Variants in RABGAP1L observed in about 807,000 individuals in gnomAD.
RABGAP1L encodes the protein RAB GTPase activating protein 1 like.
A neutral mutation model predicts 137.7 loss-of-function variants in RABGAP1L; 63 were observed. The ratio of observed to expected loss-of-function variants is 0.46; its 90% CI spans 0.37 to 0.56. The LOEUF (loss-of-function observed/expected upper bound fraction) is 0.56, where lower values mean the gene tolerates loss of function less well. Ranked by LOEUF, RABGAP1L falls within the 20% of genes least tolerant of loss-of-function variation. The pLI, the probability that RABGAP1L is intolerant of heterozygous loss-of-function variation, is 0.00. For synonymous variants in RABGAP1L, 431 were observed against 433.7 expected (o/e 0.99, Z 0.08); for missense variants, 1,095 against 1,244.0 (o/e 0.88, Z 1.80).
chr1:174,387,334 A>G (rs1476975700), intron 12 of RABGAP1L, among the ~76,000 whole-genome samples: 1 of 152,220 alleles, frequency 6.6e-6, no homozygotes, highest in Non-Finnish European at 1.5e-5. Context: ...TCTACCCTCA[A>G]GGTTTACCAT....
chr1:174,720,606 G>A (rs907075976), intron 17 of RABGAP1L, among the ~76,000 whole-genome samples: 7 of 152,124 alleles, frequency 4.6e-5, no homozygotes, highest in African/African-American at 1.7e-4. Flanking sequence ...TTGAGCCACC[G>A]GTCCCGGCTG....
At chr1:174,653,451 G>A (rs1422374199) in intron 14 of RABGAP1L, among the ~76,000 whole-genome samples, 3 of 152,178 alleles carry the variant, frequency 2.0e-5, no homozygotes, top group Non-Finnish European at 2.9e-5. Context: ...TGGTCTGTGG[G>A]TTGCAAAGAC....
intron 11 of RABGAP1L, among the ~76,000 whole-genome samples, chr1:174,311,659 T>C (rs1305465619): frequency 6.6e-6 from 1 of 152,184 alleles, no homozygotes; most frequent in Non-Finnish European, 1.5e-5. Context: ...CAGGCTGGAG[T>C]GCAGTGGTGC....
rs1688526118 is a variant in RABGAP1L, at chr1:174,799,369, C to A, written c.2212-12463C>A. ...CATACTCTATCATTTTACCCTAATACCTCTCTTCTGTAGCGGTTTCAGTCA... is the reference window on the plus strand; with the variant it reads ...CATACTCTATCATTTTACCCTAATAACTCTCTTCTGTAGCGGTTTCAGTCA... On this transcript the variant is annotated intron_variant, in intron 18 of 25. Coordinates refer to ENST00000681986, the MANE Select transcript of RABGAP1L (RefSeq NM_001366446.1). 2.0e-5 allele frequency among the ~76,000 whole-genome samples: 3 copies of A among 152,234 alleles called. No individual in the cohort carries two copies. The South Asian group carries it at 6.2e-4, about 32-fold the overall frequency.
Position 174,908,898 on chromosome 1 carries a change from G to A in RABGAP1L, c.2341-48559G>A, listed in dbSNP as rs570782236. 5.5e-3 allele frequency among the ~76,000 whole-genome samples: 823 copies of A among 149,636 alleles called. 4 individuals carry two copies. Among genetic ancestry groups the A allele is most frequent in the South Asian group, 0.01 (48 of 4,600 alleles). The stretch of plus-strand genomic sequence containing the variant: ...AATGAAAGTACTAAAAAGGGGCCGG[G>A]CACAGTGGCTCACACCTGTAATCCC... On this transcript the variant is annotated intron_variant, in intron 19 of 25. Coordinates refer to ENST00000681986, the MANE Select transcript of RABGAP1L (RefSeq NM_001366446.1).
intron 17 of RABGAP1L, among the ~76,000 whole-genome samples, chr1:174,728,808 A>G (rs1682218747): frequency 6.6e-6 from 1 of 151,952 alleles, no homozygotes; most frequent in South Asian, 2.1e-4. Flanking sequence ...TGCCCAGTTG[A>G]TTTTTTATTT....
intron 13 of RABGAP1L, among the ~76,000 whole-genome samples, chr1:174,456,417 T>G (rs1656045888): frequency 6.6e-6 from 1 of 152,130 alleles, no homozygotes; most frequent in Non-Finnish European, 1.5e-5. Context: ...GTACTAATTT[T>G]ATAGTCATAT....
At position 174,875,060 on chromosome 1, in the gene RABGAP1L, C is replaced by T. The variant is rs557067014; in HGVS notation, c.2340+63100C>T. Among the ~76,000 whole-genome samples, 4 of 152,288 alleles carry T rather than the reference C, an allele frequency of 2.6e-5. No homozygotes were observed. The East Asian group carries it at 7.7e-4, about 29-fold the overall frequency. On this transcript the variant is annotated intron_variant, in intron 19 of 25. Transcript: ENST00000681986. ...ATGACATGTTATTAATAATTCTAGT[C>T]ACTGTGGCTAATTAGAACAATCTGT...
At chr1:174,623,533 G>C (rs1672708045) in intron 13 of RABGAP1L, among the ~76,000 whole-genome samples, 1 of 152,208 alleles carries the variant, frequency 6.6e-6, no homozygotes, top group Non-Finnish European at 1.5e-5. Context: ...TTGAGTCCAG[G>C]AGAAGCACCA....
chr1:174,638,604 T>C (rs984346627), intron 14 of RABGAP1L, among the ~76,000 whole-genome samples: 9 of 147,818 alleles, frequency 6.1e-5, no homozygotes, highest in African/African-American at 1.0e-4. Flanking sequence ...TATTGCGGCA[T>C]TATTCACAAT....
chr1:174,355,795 A>AT, intron 11 of RABGAP1L, among the ~76,000 whole-genome samples: 1 of 152,278 alleles, frequency 6.6e-6, no homozygotes, highest in East Asian at 1.9e-4. Context: ...AAAACTTGTT[A>AT]TTAGATTCAG....
At chr1:174,400,205 C>T (rs1648399355) in intron 13 of RABGAP1L, among the ~76,000 whole-genome samples, 1 of 152,138 alleles carries the variant, frequency 6.6e-6, no homozygotes, top group African/African-American at 2.4e-5. Flanking sequence ...GCGTATTACT[C>T]TATTACTTAC....
intron 21 of RABGAP1L, among the ~76,000 whole-genome samples, chr1:174,972,912 G>T (rs1670277595): frequency 6.7e-6 from 1 of 150,146 alleles, no homozygotes; most frequent in East Asian, 1.9e-4. Context: ...GGGCTCAAAG[G>T]TAGAATTTGA....
intron 19 of RABGAP1L, among the ~76,000 whole-genome samples, chr1:174,928,894 C>G (rs1663256249): frequency 6.6e-6 from 1 of 152,020 alleles, no homozygotes; most frequent in South Asian, 2.1e-4. Flanking sequence ...TGTAAACAAA[C>G]AAATATAGCA....
At chr1:174,491,327 G>A (rs1456897488) in intron 13 of RABGAP1L, among the ~76,000 whole-genome samples, 1 of 151,998 alleles carries the variant, frequency 6.6e-6, no homozygotes, top group East Asian at 1.9e-4. Flanking sequence ...TCAAGTCAAT[G>A]CGTTCCCTTC....
chr1:174,387,372 A>G (rs1310732436), intron 12 of RABGAP1L, among the ~76,000 whole-genome samples: 1 of 152,236 alleles, frequency 6.6e-6, no homozygotes, highest in African/African-American at 2.4e-5. Context: ...ACCTTTAAAC[A>G]GAAAATTGTG....
chr1:174,340,194 A>G (rs1381397802), intron 11 of RABGAP1L, among the ~76,000 whole-genome samples: 1 of 152,212 alleles, frequency 6.6e-6, no homozygotes, highest in African/African-American at 2.4e-5. Flanking sequence ...AATTAAGTGA[A>G]CATGTTTCTC....
chr1:174,377,455 G>A (rs552638300), intron 12 of RABGAP1L, among the ~76,000 whole-genome samples: 2 of 152,290 alleles, frequency 1.3e-5, no homozygotes, highest in South Asian at 2.1e-4. Context: ...TAGGTTTACT[G>A]TAGCACTACA....
At chr1:174,165,506 T>C (rs1571328556) in intron 1 of RABGAP1L, among the ~76,000 whole-genome samples, 1 of 151,948 alleles carries the variant, frequency 6.6e-6, no homozygotes, top group African/African-American at 2.4e-5. Context: ...TTTTTTTTTT[T>C]TTTTAATTTG....
Sources: allele counts gnomAD v4.1 joint callset (sites outside exome capture counted in the v4.1 genomes callset), GRCh38; gene constraint gnomAD v4.1.1; transcripts MANE v1.5; gene names NCBI Gene and HGNC (gene_info 2026-07-23, HGNC 2026-07-21).